The following RFTN1 variants were observed in gnomAD, a reference collection of about 807,000 sequenced individuals.
The protein encoded by RFTN1 is raftlin, lipid raft linker 1, also known as raftlin.
RFTN1 carries 26 observed loss-of-function variants against 46.5 expected under a neutral mutation model. The ratio of observed to expected loss-of-function variants is 0.56; its 90% CI spans 0.41 to 0.78. The LOEUF is 0.78. RFTN1 is among the 30% of genes least tolerant of loss of function. The probability of loss-of-function intolerance (pLI) is 0.00; values close to 1 mark genes in which losing one functional copy is unlikely to be tolerated. For synonymous variants in RFTN1, 261 were observed against 284.2 expected (o/e 0.92, Z 0.82); for missense variants, 693 against 718.7 (o/e 0.96, Z 0.41).
At chr3:16,435,022 AG>A (rs1243370547) in intron 2 of RFTN1, among the ~76,000 whole-genome samples, 1 of 152,234 alleles carries the variant, frequency 6.6e-6, no homozygotes. Context: ...ATTTTTGAGA[AG>A]GGCAAACAAC....
intron 6 of RFTN1, 32 bp from the exon 7 acceptor site, chr3:16,358,079 G>T (rs2072569002): frequency 8.8e-7 from 1 of 1,141,492 alleles, no homozygotes; most frequent in South Asian, 1.2e-5. Flanking sequence ...GGGGTGGGGG[G>T]GGTCTGTAAA....
chr3:16,478,874 A>G (rs2076323561), intron 2 of RFTN1, among the ~76,000 whole-genome samples: 1 of 152,208 alleles, frequency 6.6e-6, no homozygotes. Context: ...AGTTTCCTTC[A>G]GGGGAGTAAT....
intron 4 of RFTN1, among the ~76,000 whole-genome samples, chr3:16,397,715 T>C (rs532869510): frequency 2.2e-4 from 33 of 152,182 alleles, no homozygotes; most frequent in Non-Finnish European, 2.8e-4. Flanking sequence ...AGATTCATCA[T>C]TGATTTGGTA....
chr3:16,442,827 G>A lies in RFTN1; in HGVS notation c.146-8790C>T, dbSNP rs774088210. Among the ~76,000 whole-genome samples, 12 of 152,288 alleles carry A rather than the reference G, an allele frequency of 7.9e-5. No homozygotes were observed. Among genetic ancestry groups the A allele is most frequent in the Middle Eastern group, 3.4e-3 (1 of 294 alleles). ...AGATTGCACATATATGCAAGATTAC[G>A]TAGTATTTTTCCTTCTGTGTCTGGC... On this transcript the variant is annotated intron_variant, in intron 2 of 9. Coordinates refer to ENST00000334133, the MANE Select transcript of RFTN1 (RefSeq NM_015150.2). The surrounding 1 kb of genome is among the most constrained non-coding windows in gnomAD (Gnocchi z 4.1).
intron 7 of RFTN1, among the ~76,000 whole-genome samples, chr3:16,347,045 A>G (rs1453871718): frequency 6.6e-6 from 1 of 152,118 alleles, no homozygotes; most frequent in Non-Finnish European, 1.5e-5. Context: ...GATACCCATG[A>G]CCACCACCCT....
rs1367015888 is a variant in RFTN1 at position 16,382,821 on chromosome 3, A to G, written c.442-4719T>C. ...CAAGCTCACTTTATTTCAAGCCCTCATCATCTGTTGCTGGACATCACCATG... is the reference window on the plus strand; with the variant it reads ...CAAGCTCACTTTATTTCAAGCCCTCGTCATCTGTTGCTGGACATCACCATG... On this transcript the variant is annotated intron_variant, in intron 4 of 9. Transcript: ENST00000334133. This position sits in a 1 kb window ranked among gnomAD's most constrained non-coding sequence, Gnocchi z 4.7. Among the ~76,000 whole-genome samples, 3 of 152,062 alleles carry G rather than the reference A, an allele frequency of 2.0e-5. No individual in the cohort carries two copies. The highest frequency in any genetic ancestry group is 4.4e-5 in the Non-Finnish European group (3 of 68,008).
intron 2 of RFTN1, chr3:16,482,910 A>T: frequency 7.4e-7 from 1 of 1,357,110 alleles, no homozygotes; most frequent in Non-Finnish European, 1.0e-6. Flanking sequence ...GGAAATATAG[A>T]AAGTCCCGCC....
In RFTN1 at chr3:16,356,393, CT is replaced by C. The variant is rs1559853586; in HGVS notation, c.1146+1538del. ...CGCTAACCAGCCCCGGATGCTGTGA[CT>C]TTCCAACTCCTGCTTCTGACGACTC... On this transcript the variant is annotated intron_variant, in intron 7 of 9. Coordinates refer to ENST00000334133, the MANE Select transcript of RFTN1 (RefSeq NM_015150.2). The surrounding 1 kb of genome is among the most constrained non-coding windows in gnomAD (Gnocchi z 4.9). Among the ~76,000 whole-genome samples the C allele has an allele frequency of 1.3e-5, 2 of 152,234 alleles. No individual in the cohort carries two copies. Among genetic ancestry groups the C allele is most frequent in the African/African-American group, 4.8e-5 (2 of 41,454 alleles).
chr3:16,407,508 T>C lies in RFTN1; in HGVS notation c.441+1867A>G, dbSNP rs2074887236. ...TGCCCAGCCTCAAATCACATGTTTT[T>C]AAAAAGCATATTTGAGAGTGGGCAG... On this transcript the variant is annotated intron_variant, in intron 4 of 9. Coordinates refer to ENST00000334133, the MANE Select transcript of RFTN1 (RefSeq NM_015150.2). The surrounding 1 kb of genome is among the most constrained non-coding windows in gnomAD (Gnocchi z 4.0). Among the ~76,000 whole-genome samples the C allele has an allele frequency of 6.6e-6, 1 of 152,156 alleles. No individual in the cohort carries two copies.
intron 2 of RFTN1, chr3:16,472,137 G>C (rs1047018297): frequency 2.6e-5 from 4 of 151,508 alleles, no homozygotes; most frequent in African/African-American, 9.7e-5. Flanking sequence ...AAAAAAAAAG[G>C]CTTGAGGAGT....
chr3:16,402,384 G>A lies in RFTN1; in HGVS notation c.441+6991C>T, dbSNP rs1249017208. ...CTTCCACTCTGAAGACACACTCATTGCTGGGATGACACTCCATTTTCTGCC... is the reference window on the plus strand; with the variant it reads ...CTTCCACTCTGAAGACACACTCATTACTGGGATGACACTCCATTTTCTGCC... On this transcript the variant is annotated intron_variant, in intron 4 of 9. Coordinates refer to ENST00000334133, the MANE Select transcript of RFTN1 (RefSeq NM_015150.2). The surrounding 1 kb of genome is among the most constrained non-coding windows in gnomAD (Gnocchi z 4.5). 6.6e-6 allele frequency among the ~76,000 whole-genome samples: 1 copy of A among 152,152 alleles called. No homozygotes were observed. Among genetic ancestry groups the A allele is most frequent in the African/African-American group, 2.4e-5 (1 of 41,410 alleles).
At position 16,512,046 on chromosome 3, in the gene RFTN1, A is replaced by C. The variant is rs2125019880; in HGVS notation, c.-9+1396T>G. On this transcript the variant is annotated intron_variant, in intron 1 of 9. Transcript: ENST00000334133. This position sits in a 1 kb window ranked among gnomAD's most constrained non-coding sequence, Gnocchi z 4.3. ...AGGATGCAGAGCTCAGTCTGAGGTT[A>C]GAGTGATTTCACTGAGGTTAGCACA... Among the ~76,000 whole-genome samples, 1 of 152,300 alleles carries C rather than the reference A, an allele frequency of 6.6e-6. No individual in the cohort carries two copies. Among genetic ancestry groups the C allele is most frequent in the Non-Finnish European group, 1.5e-5 (1 of 68,022 alleles).
intron 2 of RFTN1, among the ~76,000 whole-genome samples, chr3:16,492,472 G>T (rs940530498): frequency 2.6e-5 from 4 of 152,316 alleles, no homozygotes; most frequent in African/African-American, 9.6e-5. Context: ...TGCTATAGAT[G>T]AGGACACTGC....
chr3:16,359,050 AAAG>A (rs1271704404), intron 6 of RFTN1, among the ~76,000 whole-genome samples: 7,187 of 149,648 alleles, frequency 0.048, 220 homozygotes, highest in Middle Eastern at 0.077. Context: ...AAAAAAAAAA[AAAG>A]AAATACTGAA....
rs892851758 is a variant in RFTN1 at position 16,475,635 on chromosome 3, C to T, written c.145+18090G>A. ...AGAGTCTCTAGAGTGCCTCTTGGTA[C>T]TTCCATGTCCAAGAGTAAAAATCAA... On this transcript the variant is annotated intron_variant, in intron 2 of 9. Coordinates refer to ENST00000334133, the MANE Select transcript of RFTN1 (RefSeq NM_015150.2). This position sits in a 1 kb window ranked among gnomAD's most constrained non-coding sequence, Gnocchi z 4.2. 2.0e-5 allele frequency among the ~76,000 whole-genome samples: 3 copies of T among 152,186 alleles called. No homozygotes were observed. The highest frequency in any genetic ancestry group is 6.5e-5 in the Admixed American group (1 of 15,280).
intron 4 of RFTN1, among the ~76,000 whole-genome samples, chr3:16,408,568 T>C (rs963366345): frequency 4.8e-5 from 7 of 146,516 alleles, no homozygotes; most frequent in African/African-American, 1.8e-4. Context: ...GTAAATATCA[T>C]ATTAAAACTC....
In RFTN1 at chr3:16,334,828, T is replaced by C. The variant is rs1006509924; in HGVS notation, c.1147-7952A>G. Among the ~76,000 whole-genome samples, 1 of 151,980 alleles carries C rather than the reference T, an allele frequency of 6.6e-6. No individual in the cohort carries two copies. The highest frequency in any genetic ancestry group is 2.4e-5 in the African/African-American group (1 of 41,330). On this transcript the variant is annotated intron_variant, in intron 7 of 9. Coordinates refer to ENST00000334133, the MANE Select transcript of RFTN1 (RefSeq NM_015150.2). The surrounding 1 kb of genome is among the most constrained non-coding windows in gnomAD (Gnocchi z 4.3). ...AAGCTAAGGATCTTGAGATGGAGAG[T>C]TTATCCAGGATTATCCAGGTGTGCC...
intron 4 of RFTN1, among the ~76,000 whole-genome samples, chr3:16,401,144 C>A (rs1016823750): frequency 6.6e-6 from 1 of 152,088 alleles, no homozygotes; most frequent in Non-Finnish European, 1.5e-5. Flanking sequence ...TGGTTTGACA[C>A]CACATGGTGA....
intron 3 of RFTN1, among the ~76,000 whole-genome samples, chr3:16,420,253 G>C (rs539877335): frequency 6.6e-6 from 1 of 152,314 alleles, no homozygotes; most frequent in African/African-American, 2.4e-5. Context: ...ACACAGAATG[G>C]GAGCTGGGGG....
Sources: gnomAD v4.1 joint callset for allele counts (sites outside exome capture counted in the v4.1 genomes callset) on GRCh38, gnomAD v4.1.1 for gene constraint, Gnocchi (gnomAD v3.1) non-coding constraint, MANE v1.5 for transcripts, NCBI Gene and HGNC (gene_info 2026-07-23, HGNC 2026-07-21) for gene names.